GRIN2A: variants seen among roughly 807,000 people sequenced by gnomAD.
GRIN2A encodes the protein glutamate receptor ionotropic, NMDA 2A.
In GRIN2A, 22 loss-of-function variants were observed where a neutral mutation model predicts 113.4. The ratio of observed to expected loss-of-function variants is 0.19; its 90% CI spans 0.14 to 0.28. The LOEUF (loss-of-function observed/expected upper bound fraction) is 0.28. GRIN2A is among the 10% of genes least tolerant of loss of function. The probability of loss-of-function intolerance (pLI) is 1.00; values close to 1 mark genes in which losing one functional copy is unlikely to be tolerated. For synonymous variants in GRIN2A, 827 were observed against 738.4 expected (o/e 1.12, Z -1.94); for missense variants, 1,502 against 1,887.0 (o/e 0.80, Z 3.78).
intron 2 of GRIN2A, among the ~76,000 whole-genome samples, chr16:9,995,770 C>G (rs762713820): frequency 6.6e-6 from 1 of 152,038 alleles, no homozygotes; most frequent in Non-Finnish European, 1.5e-5. Context: ...CCTCAGTATG[C>G]TTTTTCAATG....
At chr16:9,766,027 C>G (rs1830800535) in intron 12 of GRIN2A, among the ~76,000 whole-genome samples, 1 of 152,122 alleles carries the variant, frequency 6.6e-6, no homozygotes, top group African/African-American at 2.4e-5. Flanking sequence ...CAATAACAGG[C>G]AAAAGGACGT....
chr16:9,814,906 G>C (rs2042156620), intron 10 of GRIN2A, among the ~76,000 whole-genome samples: 1 of 151,872 alleles, frequency 6.6e-6, no homozygotes, highest in Non-Finnish European at 1.5e-5. Flanking sequence ...TGTAATCCCA[G>C]CTACTCGGGA....
At chr16:10,051,181 G>C (rs2047352908) in intron 2 of GRIN2A, among the ~76,000 whole-genome samples, 1 of 152,140 alleles carries the variant, frequency 6.6e-6, no homozygotes, top group South Asian at 2.1e-4. Flanking sequence ...CTCAGTTCCT[G>C]GGATTTTGGT....
At chr16:10,019,346 A>T (rs931326336) in intron 2 of GRIN2A, among the ~76,000 whole-genome samples, 1 of 152,232 alleles carries the variant, frequency 6.6e-6, no homozygotes, top group Non-Finnish European at 1.5e-5. Flanking sequence ...TAAAAATTAG[A>T]ATTAGATTAT....
Position 9,764,201 on chromosome 16 carries a change from C to G in GRIN2A, c.3343G>C (p.Asp1115His), listed in dbSNP as rs1006805133. The change falls in exon 13 of 13, where the codon GAC becomes CAC. Residue 1115 changes from aspartate (D) to histidine (H), a missense_variant. Transcript: ENST00000330684. ...TCACCATCTATAGTGTAGATCTTGTCTCTAGGGGAGCTTGATTTGGTTTTC... is the reference window on the plus strand; with the variant it reads ...TCACCATCTATAGTGTAGATCTTGTGTCTAGGGGAGCTTGATTTGGTTTTC... ...YLKTKSSSPR[D>H]KIYTIDGEKE... is the part of the protein sequence containing the mutation. 1 of 1,452,180 alleles carries G rather than the reference C, an allele frequency of 6.9e-7. No individual in the cohort carries two copies. The highest frequency in any genetic ancestry group is 9.1e-7 in the Non-Finnish European group (1 of 1,095,882). The allele number at this position is 1,452,180 out of a possible 1,614,324, so 90.0% of individuals were successfully genotyped here. A position where few individuals can be genotyped will look rare whatever the true frequency, so the allele number is the denominator to read the frequency against.
intron 11 of GRIN2A, among the ~76,000 whole-genome samples, chr16:9,776,890 C>T (rs1293543988): frequency 6.6e-6 from 1 of 152,176 alleles, no homozygotes; most frequent in African/African-American, 2.4e-5. Flanking sequence ...TGACAACAGA[C>T]TTGGTCATTC....
At position 9,760,270 on chromosome 16, in the gene GRIN2A, C is replaced by T. The variant is rs1307742861; in HGVS notation, c.*2879G>A. The T allele has an allele frequency of 2.7e-5, 6 of 222,348 alleles. No individual in the cohort carries two copies. Among genetic ancestry groups the T allele is most frequent in the East Asian group, 6.5e-5 (1 of 15,370 alleles). The allele number at this position is 222,348 out of a possible 1,614,324, so 13.8% of individuals were successfully genotyped here. A position where few individuals can be genotyped will look rare whatever the true frequency, so the allele number is the denominator to read the frequency against. ...ACTGTGGGTTCCATTTACCACTGGA[C>T]GTTACATTCCTGATATTCTTTTTGC... On this transcript the variant is annotated 3_prime_UTR_variant, in exon 13 of 13. Coordinates refer to ENST00000330684, the MANE Select transcript of GRIN2A (RefSeq NM_001134407.3).
chr16:9,917,167 G>T (rs1423509868), intron 3 of GRIN2A, among the ~76,000 whole-genome samples: 1 of 152,136 alleles, frequency 6.6e-6, no homozygotes, highest in Non-Finnish European at 1.5e-5. Flanking sequence ...CATCACTTCT[G>T]CAAAGAGGCA....
intron 2 of GRIN2A, among the ~76,000 whole-genome samples, chr16:10,159,053 C>T (rs997344882): frequency 6.6e-6 from 1 of 152,088 alleles, no homozygotes; most frequent in Non-Finnish European, 1.5e-5. Flanking sequence ...GACCTGAGTT[C>T]AGGGCCCAGC....
chr16:9,887,934 G>A (rs2043616726), intron 4 of GRIN2A, among the ~76,000 whole-genome samples: 1 of 152,136 alleles, frequency 6.6e-6, no homozygotes, highest in African/African-American at 2.4e-5. Flanking sequence ...GCACATGCCT[G>A]TAATCCCAGC....
At chr16:9,966,119 C>T (rs1448236125) in intron 2 of GRIN2A, among the ~76,000 whole-genome samples, 1 of 152,124 alleles carries the variant, frequency 6.6e-6, no homozygotes, top group African/African-American at 2.4e-5. Flanking sequence ...GGGTTCTCAA[C>T]TTTTCTTTTA....
At chr16:9,853,250 A>G (rs1247477441) in intron 4 of GRIN2A, among the ~76,000 whole-genome samples, 1 of 152,200 alleles carries the variant, frequency 6.6e-6, no homozygotes, top group African/African-American at 2.4e-5. Context: ...ATTTACCTTA[A>G]GGGTTTGCTA....
chr16:10,015,930 A>G (rs1567235508), intron 2 of GRIN2A, among the ~76,000 whole-genome samples: 2 of 152,096 alleles, frequency 1.3e-5, no homozygotes, highest in Non-Finnish European at 1.5e-5. Flanking sequence ...AGCCTGGCCA[A>G]CATGATAAAA....
intron 2 of GRIN2A, among the ~76,000 whole-genome samples, chr16:10,158,097 TG>T (rs1267722509): frequency 6.6e-6 from 1 of 152,130 alleles, no homozygotes; most frequent in African/African-American, 2.4e-5. Flanking sequence ...CTCAACCTCC[TG>T]GGCTCAGGTG....
At chr16:10,038,988 C>G (rs1296432097) in intron 2 of GRIN2A, among the ~76,000 whole-genome samples, 2 of 152,086 alleles carry the variant, frequency 1.3e-5, no homozygotes, top group African/African-American at 4.8e-5. Context: ...GCCCCCTGGC[C>G]CCCTCATCCC....
rs550167406 is a variant in GRIN2A at position 9,877,301 on chromosome 16, T to C, written c.1122+13685A>G. 5.6e-4 allele frequency among the ~76,000 whole-genome samples: 85 copies of C among 152,340 alleles called. 1 individual carries two copies. The highest frequency in any genetic ancestry group is 8.8e-5 in the Non-Finnish European group (6 of 68,034). On this transcript the variant is annotated intron_variant, in intron 4 of 12. Transcript: ENST00000330684. ...AAATGCTTACTATTTATTTACGTCA[T>C]ATTCAGACAACTACTACAGTCAATC... is the stretch of plus-strand genomic sequence containing the variant.
chr16:10,116,095 T>C (rs1023774701), intron 2 of GRIN2A, among the ~76,000 whole-genome samples: 1 of 152,110 alleles, frequency 6.6e-6, no homozygotes, highest in Non-Finnish European at 1.5e-5. Context: ...ATAGACTGGA[T>C]AAAGAAAATG....
chr16:9,871,691 T>C (rs992635566), intron 4 of GRIN2A, among the ~76,000 whole-genome samples: 8 of 152,254 alleles, frequency 5.3e-5, no homozygotes, highest in African/African-American at 1.9e-4. Context: ...ATATGTACCA[T>C]TTGGGGTTGT....
intron 2 of GRIN2A, among the ~76,000 whole-genome samples, chr16:10,037,898 C>A (rs2047064448): frequency 6.6e-6 from 1 of 152,148 alleles, no homozygotes; most frequent in Non-Finnish European, 1.5e-5. Flanking sequence ...AGATTACAGG[C>A]ATGAATCATT....
Sources: allele counts gnomAD v4.1 joint callset (sites outside exome capture counted in the v4.1 genomes callset), GRCh38; gene constraint gnomAD v4.1.1; transcripts MANE v1.5; gene names NCBI Gene and HGNC (gene_info 2026-07-23, HGNC 2026-07-21).